The following OSBPL1A variants were observed in gnomAD, a reference collection of about 807,000 sequenced individuals.
OSBPL1A encodes the protein oxysterol binding protein like 1A.
In OSBPL1A, 80 loss-of-function variants were observed where a neutral mutation model predicts 137.1. The observed-to-expected ratio is 0.58, with a 90% confidence interval of 0.49 to 0.70. OSBPL1A has a LOEUF of 0.70. Among genes scored for constraint, OSBPL1A ranks in the 30% least tolerant of loss-of-function variants. OSBPL1A has a pLI of 0.00. For missense variants in OSBPL1A, 970 were observed against 1,129.4 expected (o/e 0.86, Z 2.02); for synonymous variants, 365 against 389.7 (o/e 0.94, Z 0.75).
At chr18:24,243,439 T>A (rs1162805770) in intron 15 of OSBPL1A, among the ~76,000 whole-genome samples, 1 of 152,168 alleles carries the variant, frequency 6.6e-6, no homozygotes, top group East Asian at 1.9e-4. Context: ...TGACACCATA[T>A]CTTTAAATAT....
At chr18:24,334,569 C>T (rs920744737) in intron 5 of OSBPL1A, among the ~76,000 whole-genome samples, 2 of 152,092 alleles carry the variant, frequency 1.3e-5, no homozygotes, top group African/African-American at 4.8e-5. Flanking sequence ...CTAACAATAA[C>T]CATCAAAACT....
chr18:24,189,914 C>T (rs1418491872), intron 18 of OSBPL1A, among the ~76,000 whole-genome samples: 2 of 152,212 alleles, frequency 1.3e-5, no homozygotes, highest in Admixed American at 6.5e-5. Context: ...GAAGGCGCCA[C>T]GGAGTGGGAA....
At chr18:24,227,440 A>C (rs1288867630) in intron 16 of OSBPL1A, among the ~76,000 whole-genome samples, 1 of 152,232 alleles carries the variant, frequency 6.6e-6, no homozygotes, top group Non-Finnish European at 1.5e-5. Context: ...AATGCTTTGC[A>C]ACTCTAAAAT....
At chr18:24,343,010 G>A (rs2091295563) in intron 4 of OSBPL1A, among the ~76,000 whole-genome samples, 1 of 151,712 alleles carries the variant, frequency 6.6e-6, no homozygotes, top group Non-Finnish European at 1.5e-5. Context: ...ATGTTTTCAT[G>A]CTTTACCTAA....
At chr18:24,218,422 GTAATC>G (rs920465888) in intron 17 of OSBPL1A, 2 of 152,074 alleles carry the variant, frequency 1.3e-5, no homozygotes, top group African/African-American at 4.8e-5. Context: ...ATCAGTTCAA[GTAATC>G]TACTGTACAA....
chr18:24,349,461 A>G (rs537801659), intron 4 of OSBPL1A, among the ~76,000 whole-genome samples: 45 of 152,332 alleles, frequency 3.0e-4, no homozygotes, highest in African/African-American at 1.0e-3. Flanking sequence ...CTTAACCATT[A>G]AAAATAACAG....
At chr18:24,273,526 A>T (rs192377538) in intron 15 of OSBPL1A, among the ~76,000 whole-genome samples, 391 of 152,352 alleles carry the variant, frequency 2.6e-3, no homozygotes, top group African/African-American at 8.8e-3. Context: ...ATTCCTAAAC[A>T]TATATTCATT....
At chr18:24,341,387 A>G (rs1053586473) in intron 5 of OSBPL1A, among the ~76,000 whole-genome samples, 160 bp downstream of exon 5, 2 of 152,202 alleles carry the variant, frequency 1.3e-5, no homozygotes, top group Non-Finnish European at 2.9e-5. Context: ...ACTATCATAT[A>G]GATAATTGTG....
chr18:24,380,750 G>A (rs1241947950), intron 1 of OSBPL1A, among the ~76,000 whole-genome samples: 5 of 152,058 alleles, frequency 3.3e-5, no homozygotes, highest in Non-Finnish European at 5.9e-5. Flanking sequence ...TCAGGAGTTC[G>A]AGACCAGTCT....
intron 6 of OSBPL1A, among the ~76,000 whole-genome samples, chr18:24,333,727 T>A (rs1206288346): frequency 6.6e-6 from 1 of 152,172 alleles, no homozygotes; most frequent in Non-Finnish European, 1.5e-5. Flanking sequence ...GGAAAGTAGG[T>A]CTTCTAAGGT....
intron 14 of OSBPL1A, among the ~76,000 whole-genome samples, chr18:24,289,359 G>A (rs1238382403): frequency 6.7e-6 from 1 of 148,504 alleles, no homozygotes; most frequent in African/African-American, 2.5e-5. Context: ...TAGATCAAAT[G>A]TTCAGGGGTC....
At chr18:24,262,410 C>T (rs905930363) in intron 15 of OSBPL1A, among the ~76,000 whole-genome samples, 6 of 150,470 alleles carry the variant, frequency 4.0e-5, no homozygotes, top group Non-Finnish European at 7.4e-5. Context: ...TTTTGAGATA[C>T]GCCACCAGAG....
intron 15 of OSBPL1A, among the ~76,000 whole-genome samples, chr18:24,257,864 G>A (rs1000880317): frequency 6.6e-6 from 1 of 152,080 alleles, no homozygotes; most frequent in African/African-American, 2.4e-5. Context: ...TGGAAAACAG[G>A]CATATGAAAA....
chr18:24,301,762 G>A (rs1245318406), intron 14 of OSBPL1A, among the ~76,000 whole-genome samples: 1 of 152,120 alleles, frequency 6.6e-6, no homozygotes, highest in Non-Finnish European at 1.5e-5. Flanking sequence ...GGCTATAACT[G>A]CTGATAAAAA....
At position 24,239,248 on chromosome 18, in the gene OSBPL1A, G is replaced by A. The variant is rs147125927; in HGVS notation, c.1416C>T (p.Ser472=). ...VKGSPPASIL[S]EDEFYDALSD... ...ACAGCGCATCATAGAACTCGTCCTCGCTAAGGATGCTGGCGGGTGGAGAGC... is the reference window on the plus strand; with the variant it reads ...ACAGCGCATCATAGAACTCGTCCTCACTAAGGATGCTGGCGGGTGGAGAGC... The change falls in exon 16 of 28, where the codon AGC becomes AGT. Residue 472 remains serine (S), a synonymous_variant. Transcript: ENST00000319481. The A allele has an allele frequency of 6.2e-6, 10 of 1,614,036 alleles. No homozygotes were observed. The East Asian group carries it at 1.6e-4, about 25-fold the overall frequency.
chr18:24,166,973 A>G (rs935143211), intron 25 of OSBPL1A, among the ~76,000 whole-genome samples: 2 of 152,236 alleles, frequency 1.3e-5, no homozygotes, highest in Non-Finnish European at 1.5e-5. Flanking sequence ...AAAAATCAAC[A>G]TTCTTTTATC....
At position 24,317,187 on chromosome 18, in the gene OSBPL1A, G is replaced by A. The variant is rs144234125; in HGVS notation, c.832C>T (p.Arg278Cys). Residue 278 changes from arginine (R) to cysteine (C), a missense_variant, in exon 11 of 28, where the codon CGC (arginine) becomes TGC (cysteine). By Grantham distance (180) the Arg-to-Cys change is radical. Transcript: ENST00000319481. ...TGAGTCAGGTGTTTGCATCCCTGGC[G>A]ATAAATATTATGAACTGCATCAGGC... ...KQPDAVHNIY[R>C]QGCKHLTQAV... The A allele has an allele frequency of 1.5e-5, 24 of 1,613,710 alleles. No homozygotes were observed. The highest frequency in any genetic ancestry group is 1.7e-4 in the Middle Eastern group (1 of 6,060).
chr18:24,388,752 A>T (rs1907109614), intron 1 of OSBPL1A, among the ~76,000 whole-genome samples: 1 of 147,200 alleles, frequency 6.8e-6, no homozygotes, highest in East Asian at 2.0e-4. Flanking sequence ...GTGAGCCAAG[A>T]TCGCGCCACT....
Position 24,181,208 on chromosome 18 carries a change from G to A in OSBPL1A, c.1749C>T (p.Tyr583=), listed in dbSNP as rs1397022430. ...PLSFLQRLTE[Y]MEHTYLIHKA... ...TGTGGATGAGGTAAGTATGCTCCAT[G>A]TATTCAGTTAGGCGCTGTAGGAAGC... Residue 583 remains tyrosine, a synonymous_variant, in exon 19 of 28, where the codon TAC becomes TAT. Transcript: ENST00000319481. 2 of 1,614,108 alleles carry A rather than the reference G, an allele frequency of 1.2e-6. No individual in the cohort carries two copies. Among genetic ancestry groups the A allele is most frequent in the Non-Finnish European group, 1.7e-6 (2 of 1,179,984 alleles).
Sources: allele counts gnomAD v4.1 joint callset (sites outside exome capture counted in the v4.1 genomes callset), GRCh38; gene constraint gnomAD v4.1.1; transcripts MANE v1.5; gene names NCBI Gene and HGNC (gene_info 2026-07-23, HGNC 2026-07-21).